The following IGDCC3 variants were observed in gnomAD, a reference collection of about 807,000 sequenced individuals.
IGDCC3 encodes the protein immunoglobulin superfamily DCC subclass member 3, also known as putative neuronal cell adhesion molecule.
Under a neutral mutation model 72.0 loss-of-function variants are expected in IGDCC3, and 47 were observed. The observed-to-expected ratio is 0.65, with a 90% CI of 0.52 to 0.83. The LOEUF (loss-of-function observed/expected upper bound fraction) is 0.83, where lower values mean the gene tolerates loss of function less well. Among genes scored for constraint, IGDCC3 ranks in the 40% least tolerant of loss-of-function variants. The probability of loss-of-function intolerance (pLI) is 0.00; values close to 1 mark genes in which losing one functional copy is unlikely to be tolerated. For missense variants in IGDCC3, 1,038 were observed against 1,091.3 expected, an observed-to-expected ratio of 0.95 and a Z score of 0.69; for synonymous variants, 477 against 472.8, an observed-to-expected ratio of 1.01 and a Z score of -0.11.
At chr15:65,370,147 G>C (rs28622089) in intron 2 of IGDCC3, among the ~76,000 whole-genome samples, 18,818 of 151,954 alleles carry the variant, frequency 0.12, 1,348 homozygotes, top group African/African-American at 0.18. Context: ...TTCCGGGAAT[G>C]ATACCACAAC....
Position 65,334,862 on chromosome 15 carries a change from G to C in IGDCC3, c.689C>G (p.Ser230Trp), listed in dbSNP as rs1187499271. The C allele has an allele frequency of 6.2e-7, 1 of 1,610,446 alleles. No homozygotes were observed. The highest frequency in any genetic ancestry group is 8.5e-7 in the Non-Finnish European group (1 of 1,178,636). Residue 230 changes from serine (S) to tryptophan (W), a missense_variant, in exon 5 of 14, where the codon TCG (serine) becomes TGG (tryptophan). Coordinates refer to ENST00000327987, the MANE Select transcript of IGDCC3 (RefSeq NM_004884.4). ...TGGCTCCTTGTAGGCCCCAGAGCCC[G>C]AGCCTGGGAGGAAGACGCCACATAT... ...SHGARLTVSG[S>W]GSGAYKEPAI...
intron 2 of IGDCC3, among the ~76,000 whole-genome samples, chr15:65,353,201 T>TTCC (rs2091185200): frequency 6.6e-6 from 1 of 151,736 alleles, no homozygotes; most frequent in African/African-American, 2.4e-5. Context: ...TTTTTTTTTT[T>TTCC]TTCCTTCCTT....
chr15:65,362,520 A>C (rs552275899), intron 2 of IGDCC3, among the ~76,000 whole-genome samples: 3 of 141,206 alleles, frequency 2.1e-5, no homozygotes, highest in African/African-American at 7.6e-5. Context: ...ACCTGCTCAC[A>C]CGAAGCCTGA....
At chr15:65,356,848 C>CTTTTTTTTTTTTTTTGTTT (rs2091225411) in intron 2 of IGDCC3, among the ~76,000 whole-genome samples, 1 of 70,898 alleles carries the variant, frequency 1.4e-5, no homozygotes, top group Non-Finnish European at 2.6e-5. Context: ...AATGGACCTG[C>CTTTTTTTTTTTTTTTGTTT]TTTTTTTTTT....
intron 2 of IGDCC3, among the ~76,000 whole-genome samples, chr15:65,340,224 T>C (rs2091067777): frequency 6.6e-6 from 1 of 152,052 alleles, no homozygotes; most frequent in Non-Finnish European, 1.5e-5. Context: ...AGGGGAACTC[T>C]CTTCCTGGTC....
chr15:65,358,285 C>T (rs555259793), intron 2 of IGDCC3, among the ~76,000 whole-genome samples: 30 of 151,794 alleles, frequency 2.0e-4, no homozygotes, highest in Non-Finnish European at 4.0e-4. Flanking sequence ...TTTTGTATTT[C>T]GGTAGAGATG....
chr15:65,346,737 G>A (rs2091128169), intron 2 of IGDCC3, among the ~76,000 whole-genome samples: 1 of 152,130 alleles, frequency 6.6e-6, no homozygotes, highest in Non-Finnish European at 1.5e-5. Context: ...GGGATTATAG[G>A]CGTGAGTCAT....
At chr15:65,352,082 A>T (rs992928515) in intron 2 of IGDCC3, among the ~76,000 whole-genome samples, 4 of 152,250 alleles carry the variant, frequency 2.6e-5, no homozygotes, top group African/African-American at 9.6e-5. Context: ...AACTTCATGA[A>T]TATCAGATAG....
At chr15:65,348,996 G>C (rs2091149901) in intron 2 of IGDCC3, among the ~76,000 whole-genome samples, 1 of 152,168 alleles carries the variant, frequency 6.6e-6, no homozygotes, top group Non-Finnish European at 1.5e-5. Flanking sequence ...ACTGCAATGG[G>C]TGGGTCTTTC....
rs534017016 is a variant in IGDCC3 at position 65,375,346 on chromosome 15, C to T, written c.160G>A (p.Val54Ile). ...TCCAGCACTATAGGCTGCCCGGGGA[C>T]GGCAACATCATCACTTGGCTCCACA... ...FAVEPSDDVAVPGQPIVLDCR... is the reference protein window; with the variant it reads ...FAVEPSDDVAIPGQPIVLDCR... The change falls in exon 2 of 14, where the codon GTC (valine) becomes ATC (isoleucine). Residue 54 changes from valine (V) to isoleucine (I), a missense_variant. Val to Ile is a conservative substitution (Grantham distance 29). Coordinates refer to ENST00000327987, the MANE Select transcript of IGDCC3 (RefSeq NM_004884.4). The T allele has an allele frequency of 7.2e-5, 116 of 1,610,752 alleles. No individual in the cohort carries two copies. The highest frequency in any genetic ancestry group is 5.5e-5 in the South Asian group (5 of 90,992).
rs140289041 is a variant in IGDCC3 at position 65,348,934 on chromosome 15, C to T, written c.410-12978G>A. On this transcript the variant is annotated intron_variant, in intron 2 of 13. Coordinates refer to ENST00000327987, the MANE Select transcript of IGDCC3 (RefSeq NM_004884.4). The stretch of plus-strand genomic sequence containing the variant: ...GGAAACTCAAGAGCTGATAGGGTTG[C>T]TGGAAAAGATCCCTGCTCAACTGAC... Among the ~76,000 whole-genome samples the T allele has an allele frequency of 3.9e-3, 597 of 152,288 alleles. 2 individuals are homozygous for T. The highest frequency in any genetic ancestry group is 0.014 in the Middle Eastern group (4 of 294).
chr15:65,371,259 C>T (rs749458357), intron 2 of IGDCC3, among the ~76,000 whole-genome samples: 2 of 152,238 alleles, frequency 1.3e-5, no homozygotes, highest in African/African-American at 4.8e-5. Flanking sequence ...CTCATTTACT[C>T]CTCCAATAGC....
At chr15:65,336,466 A>G (rs951312369) in intron 2 of IGDCC3, among the ~76,000 whole-genome samples, 3 of 152,086 alleles carry the variant, frequency 2.0e-5, no homozygotes, top group Non-Finnish European at 4.4e-5. Context: ...TTTGTTGCCC[A>G]GCAGGGACAC....
chr15:65,351,008 T>G (rs2091169227), intron 2 of IGDCC3, among the ~76,000 whole-genome samples: 1 of 152,216 alleles, frequency 6.6e-6, no homozygotes, highest in African/African-American at 2.4e-5. Flanking sequence ...TTTTTCTGCC[T>G]AAAGTGTTAA....
rs150842495 is a variant in IGDCC3, at chr15:65,334,765, C to G, written c.786G>C (p.Thr262=). 2 of 1,601,792 alleles carry G rather than the reference C, an allele frequency of 1.2e-6. No homozygotes were observed. The highest frequency in any genetic ancestry group is 1.7e-5 in the Admixed American group (1 of 58,466). ...AGGACACAATGGGGCGCGGGTTGCC[C>G]GTGGCGACACACTCAAGCACCGCGG... is the stretch of plus-strand genomic sequence containing the variant. ...HQTAVLECVA[T]GNPRPIVSWS... Residue 262 remains threonine, a synonymous_variant, in exon 5 of 14, where the codon ACG becomes ACC. Coordinates refer to ENST00000327987, the MANE Select transcript of IGDCC3 (RefSeq NM_004884.4).
chr15:65,343,915 T>C (rs770754915), intron 2 of IGDCC3, among the ~76,000 whole-genome samples: 17 of 152,198 alleles, frequency 1.1e-4, no homozygotes, highest in Non-Finnish European at 1.9e-4. Context: ...GGTCTTGTCA[T>C]CAGGGTTCTC....
Position 65,377,649 on chromosome 15 carries a change from C to T in IGDCC3, c.103+37G>A. The T allele has an allele frequency of 1.4e-6, 2 of 1,420,256 alleles. No homozygotes were observed. Among genetic ancestry groups the T allele is most frequent in the Non-Finnish European group, 9.2e-7 (1 of 1,091,918 alleles). 88.0% of individuals were successfully genotyped at this position (1,420,256 alleles called of 1,614,324 possible). ...TCCCTGCTCGCCCTTCCCCTGGCTC[C>T]GTCCGCAACCGCCCGGTCCGGGGCG... On this transcript the variant is annotated intron_variant, in intron 1 of 13. Transcript: ENST00000327987. This position sits in a 1 kb window ranked among gnomAD's most constrained non-coding sequence, Gnocchi z 4.9.
At chr15:65,331,769 T>C in intron 7 of IGDCC3, 110 bp from the exon 8 acceptor site, 1 of 1,421,728 alleles carries the variant, frequency 7.0e-7, no homozygotes, top group African/African-American at 1.4e-5. Context: ...ACGACTTGTG[T>C]GAGGTCTCCC....
intron 2 of IGDCC3, among the ~76,000 whole-genome samples, chr15:65,372,458 T>C (rs1371003032): frequency 1.3e-5 from 2 of 152,128 alleles, no homozygotes; most frequent in African/African-American, 4.8e-5. Flanking sequence ...CAGCCCGCGG[T>C]GTAGCCACCT....
Sources: gnomAD v4.1 joint callset for allele counts (sites outside exome capture counted in the v4.1 genomes callset) on GRCh38, gnomAD v4.1.1 for gene constraint, Gnocchi (gnomAD v3.1) non-coding constraint, MANE v1.5 for transcripts, NCBI Gene and HGNC (gene_info 2026-07-23, HGNC 2026-07-21) for gene names.